The following DNAH12 variants were observed in gnomAD, a reference collection of about 807,000 sequenced individuals.
The protein encoded by DNAH12 is axonemal beta dynein heavy chain 12.
In DNAH12, 285 loss-of-function variants were observed where a neutral mutation model predicts 371.5. The ratio of observed to expected loss-of-function variants is 0.77; its 90% CI spans 0.70 to 0.85. The LOEUF (loss-of-function observed/expected upper bound fraction) is 0.85. Among genes scored for constraint, DNAH12 ranks in the 40% least tolerant of loss-of-function variants. The pLI is 0.00. For missense variants in DNAH12, 3,611 were observed against 3,689.4 expected (o/e 0.98, Z 0.55); for synonymous variants, 1,200 against 1,213.0 (o/e 0.99, Z 0.22).
chr3:57,404,043 T>C (rs782273079), intron 42 of DNAH12, among the ~76,000 whole-genome samples: 17 of 152,206 alleles, frequency 1.1e-4, no homozygotes, highest in Non-Finnish European at 2.4e-4. Context: ...AAAGATGTTT[T>C]GGCAAAATTT....
At chr3:57,413,139 TATGA>T (rs1249443009) in intron 39 of DNAH12, among the ~76,000 whole-genome samples, 3 of 152,144 alleles carry the variant, frequency 2.0e-5, no homozygotes, top group South Asian at 4.1e-4. Flanking sequence ...CATGAGAAGA[TATGA>T]ATGAAACTCA....
chr3:57,517,278 T>C (rs933395234), intron 4 of DNAH12, among the ~76,000 whole-genome samples: 2 of 152,178 alleles, frequency 1.3e-5, no homozygotes, highest in Non-Finnish European at 2.9e-5. Flanking sequence ...TTAATTATTA[T>C]ATGTCTTCCT....
At position 57,457,820 on chromosome 3, in the gene DNAH12, A is replaced by G; in HGVS notation, c.3237T>C (p.Ile1079=). 1.3e-6 allele frequency: 2 copies of G among 1,551,622 alleles called. No individual in the cohort carries two copies. The highest frequency in any genetic ancestry group is 2.4e-5 in the South Asian group (2 of 84,050). ...EGERVELIAL[I]STSAARGAVE... is the part of the protein sequence containing the mutation. Reference sequence around the variant, plus strand: ...CAGCACCCCGCGCTGCAGACGTGGAAATGAGTGCAATCAGCTCCACTCGCT... The same window carrying G: ...CAGCACCCCGCGCTGCAGACGTGGAGATGAGTGCAATCAGCTCCACTCGCT... The change falls in exon 22 of 74, where the codon ATT becomes ATC. Residue 1079 remains isoleucine (I), a synonymous_variant. Coordinates refer to ENST00000495027, the MANE Select transcript of DNAH12 (RefSeq NM_001366028.2).
At chr3:57,468,636 C>T in intron 17 of DNAH12, 100 bp downstream of exon 17, 1 of 681,354 alleles carries the variant, frequency 1.5e-6, no homozygotes, top group Non-Finnish European at 2.1e-6. Flanking sequence ...AAATAATAAA[C>T]ATGTAAAACC....
upstream of DNAH12, among the ~76,000 whole-genome samples, chr3:57,547,323 A>T (rs563405379): frequency 1.3e-4 from 18 of 143,472 alleles, no homozygotes; most frequent in East Asian, 2.3e-3. Context: ...TTTTTACTTT[A>T]AAAAAAAATT....
chr3:57,479,276 C>G (rs1052128520), intron 13 of DNAH12, among the ~76,000 whole-genome samples: 29 of 152,068 alleles, frequency 1.9e-4, no homozygotes, highest in Non-Finnish European at 3.5e-4. Context: ...CAATCCTAGT[C>G]TCTGATAAAA....
Position 57,489,508 on chromosome 3 carries a change from C to T in DNAH12, c.1514+1G>A. The stretch of plus-strand genomic sequence containing the variant: ...TGAGCTTGGGAATTAATTCTACTTA[C>T]CATTCATTTTCTTTTCTATATTTTG... On this transcript the variant is annotated splice_donor_variant, in intron 12 of 73. Coordinates refer to ENST00000495027, the MANE Select transcript of DNAH12 (RefSeq NM_001366028.2). LOFTEE classifies it high-confidence loss of function. 6.6e-7 allele frequency: 1 copy of T among 1,504,200 alleles called. No individual in the cohort carries two copies. Among genetic ancestry groups the T allele is most frequent in the Non-Finnish European group, 8.8e-7 (1 of 1,131,642 alleles). 93.2% of individuals were successfully genotyped at this position (1,504,200 alleles called of 1,614,324 possible).
rs933004201 is a variant in DNAH12, at chr3:57,294,706, C to T, written c.11693-735G>A. 6.6e-5 allele frequency among the ~76,000 whole-genome samples: 10 copies of T among 152,106 alleles called. No homozygotes were observed. The East Asian group carries it at 1.4e-3, about 21-fold the overall frequency. On this transcript the variant is annotated intron_variant, in intron 73 of 73. Transcript: ENST00000495027. ...AAACCCACACATTAGAAGAAGCTGA[C>T]GTTTCTATTTGTTTTTAGCAGGTAA...
At chr3:57,496,035 A>G (rs2153387655) in intron 11 of DNAH12, among the ~76,000 whole-genome samples, 1 of 149,660 alleles carries the variant, frequency 6.7e-6, no homozygotes, top group African/African-American at 2.4e-5. Flanking sequence ...ATTTTATAAT[A>G]ATAAAGAATG....
rs1366553567 is a variant in DNAH12 at position 57,340,755 on chromosome 3, C to G, written c.9675-5815G>C. Reference sequence around the variant, plus strand: ...AACTAATATTTTTAAAAATTCTTCTCAAACTATTCCCAAAAATTGAAGGGG... The same window carrying G: ...AACTAATATTTTTAAAAATTCTTCTGAAACTATTCCCAAAAATTGAAGGGG... On this transcript the variant is annotated intron_variant, in intron 60 of 73. Transcript: ENST00000495027. 1.3e-5 allele frequency among the ~76,000 whole-genome samples: 2 copies of G among 152,146 alleles called. 1 individual carries two copies. The highest frequency in any genetic ancestry group is 4.1e-4 in the South Asian group (2 of 4,832).
intron 4 of DNAH12, among the ~76,000 whole-genome samples, chr3:57,520,306 A>C (rs2153397255): frequency 6.6e-6 from 1 of 151,886 alleles, no homozygotes; most frequent in East Asian, 1.9e-4. Flanking sequence ...CGACGGTTTC[A>C]CCATGTTGGC....
chr3:57,410,387 C>G (rs2064162593), intron 39 of DNAH12, among the ~76,000 whole-genome samples: 1 of 152,026 alleles, frequency 6.6e-6, no homozygotes, highest in South Asian at 2.1e-4. Flanking sequence ...ATGAATTGAC[C>G]TACATAAGAA....
At chr3:57,428,465 C>T (rs1278814177) in intron 34 of DNAH12, 168 bp downstream of exon 34, 3 of 1,534,746 alleles carry the variant, frequency 2.0e-6, no homozygotes, top group Non-Finnish European at 2.6e-6. Context: ...AATTCAACCC[C>T]TGAGTTATGC....
At chr3:57,348,191 T>C (rs1312539078) in intron 60 of DNAH12, among the ~76,000 whole-genome samples, 1 of 151,914 alleles carries the variant, frequency 6.6e-6, no homozygotes, top group Non-Finnish European at 1.5e-5. Context: ...TAAAAAGAAA[T>C]AAGCTAGCAA....
At chr3:57,499,395 T>C (rs1378924507) in intron 11 of DNAH12, among the ~76,000 whole-genome samples, 1 of 151,704 alleles carries the variant, frequency 6.6e-6, no homozygotes, top group Non-Finnish European at 1.5e-5. Flanking sequence ...TTTTTAAAGT[T>C]AATTTCTCTT....
intron 58 of DNAH12, among the ~76,000 whole-genome samples, chr3:57,361,403 T>C (rs1459025269): frequency 2.8e-5 from 4 of 144,846 alleles, no homozygotes; most frequent in Non-Finnish European, 5.9e-5. Context: ...ATACGCACTA[T>C]ATATATATAC....
rs1178672365 is a variant in DNAH12 at position 57,365,858 on chromosome 3, T to TAC, written c.9167+869_9167+870dup. 2.0e-3 allele frequency among the ~76,000 whole-genome samples: 140 copies of TAC among 69,268 alleles called. 1 individual carries two copies. The highest frequency in any genetic ancestry group is 0.014 in the East Asian group (47 of 3,386). The allele number at this position is 69,268 out of a possible 152,430, so 45.4% of individuals were successfully genotyped here. On this transcript the variant is annotated intron_variant, in intron 57 of 73. Coordinates refer to ENST00000495027, the MANE Select transcript of DNAH12 (RefSeq NM_001366028.2). ...TTCTTATTAATATCTTGTGTGTGTG[T>TAC]ACACATATATATATATATATAAATG...
intron 43 of DNAH12, among the ~76,000 whole-genome samples, chr3:57,399,287 G>C (rs954889291): frequency 2.6e-5 from 4 of 151,928 alleles, no homozygotes; most frequent in African/African-American, 9.7e-5. Context: ...AAGACACACA[G>C]AAAACAAATA....
intron 37 of DNAH12, among the ~76,000 whole-genome samples, chr3:57,417,286 G>A (rs1265107276): frequency 6.6e-6 from 1 of 151,990 alleles, no homozygotes; most frequent in African/African-American, 2.4e-5. Context: ...ACAAAGGCCA[G>A]CACTGAAACT....
Sources: gnomAD v4.1 joint callset for allele counts (sites outside exome capture counted in the v4.1 genomes callset) on GRCh38, gnomAD v4.1.1 for gene constraint, MANE v1.5 for transcripts, NCBI Gene and HGNC (gene_info 2026-07-23, HGNC 2026-07-21) for gene names.